KCNT1: variants seen among roughly 807,000 people sequenced by gnomAD.
KCNT1 encodes potassium channel subfamily T member 1.
A neutral mutation model predicts 147.8 loss-of-function variants in KCNT1; 78 were observed. That is an observed-to-expected ratio of 0.53 (90% confidence interval 0.44 to 0.64). KCNT1 has a LOEUF of 0.64. Among genes scored for constraint, KCNT1 ranks in the 30% least tolerant of loss-of-function variants. KCNT1 has a pLI of 0.00. For synonymous variants in KCNT1, 867 were observed against 748.8 expected (o/e 1.16, Z -2.58); for missense variants, 1,419 against 1,750.3 (o/e 0.81, Z 3.38).
At chr9:135,747,146 C>T (rs1036889396) in intron 2 of KCNT1, among the ~76,000 whole-genome samples, 1 of 151,844 alleles carries the variant, frequency 6.6e-6, no homozygotes, top group Non-Finnish European at 1.5e-5. Context: ...GAGAACGGAG[C>T]GGAGGGGAGA....
chr9:135,714,752 T>C lies in KCNT1; in HGVS notation c.254+32T>C, dbSNP rs1047574741. ...ACCGGGCGCGGGGTGGGGGCTGGGG[T>C]CGCCGTCCCGGCGCCGCCGCACGCC... On this transcript the variant is annotated intron_variant, in intron 2 of 30. Transcript: ENST00000371757. This position sits in a 1 kb window ranked among gnomAD's most constrained non-coding sequence, Gnocchi z 6.2. The C allele has an allele frequency of 8.1e-7, 1 of 1,231,486 alleles. No homozygotes were observed. Among genetic ancestry groups the C allele is most frequent in the Non-Finnish European group, 1.0e-6 (1 of 973,202 alleles). 76.3% of individuals were successfully genotyped at this position (1,231,486 alleles called of 1,614,324 possible).
rs1047032671 is a variant in KCNT1 at position 135,792,795 on chromosome 9, C to G, written c.*634C>G. The G allele has an allele frequency of 1.3e-5, 2 of 152,214 alleles. No homozygotes were observed. The highest frequency in any genetic ancestry group is 4.8e-5 in the African/African-American group (2 of 41,420). 9.4% of individuals were successfully genotyped at this position (152,214 alleles called of 1,614,324 possible). A position where few individuals can be genotyped will look rare whatever the true frequency, so the allele number is the denominator to read the frequency against. ...CAGGTCCCCCAGAGGGCCCTGTCGC[C>G]GAGGACCTTTCTGAAGGAAGCAGAA... is the stretch of plus-strand genomic sequence containing the variant. On this transcript the variant is annotated 3_prime_UTR_variant, in exon 31 of 31. Transcript: ENST00000371757.
chr9:135,747,694 G>A (rs1334637732), intron 2 of KCNT1, among the ~76,000 whole-genome samples: 3 of 152,148 alleles, frequency 2.0e-5, no homozygotes, highest in African/African-American at 7.2e-5. Flanking sequence ...AGCTGGCTAC[G>A]CTGAGGGGTT....
intron 10 of KCNT1, among the ~76,000 whole-genome samples, chr9:135,759,388 C>A (rs966516473): frequency 6.7e-6 from 1 of 148,822 alleles, no homozygotes; most frequent in Admixed American, 6.6e-5. Flanking sequence ...GAGAGCCACC[C>A]GGCAGGCAGG....
At chr9:135,757,135 A>G in intron 7 of KCNT1, 21 bp from the exon 8 acceptor site, 1 of 818,572 alleles carries the variant, frequency 1.2e-6, no homozygotes, top group Non-Finnish European at 1.7e-6. Context: ...GCCCCCGCTG[A>G]TACCCCCCGT....
chr9:135,737,829 G>C (rs923330135), intron 2 of KCNT1, among the ~76,000 whole-genome samples: 1 of 152,320 alleles, frequency 6.6e-6, no homozygotes, highest in African/African-American at 2.4e-5. Flanking sequence ...GCCCTGGGGG[G>C]GCACTGCCCA....
In KCNT1 at chr9:135,782,875, C is replaced by T. The variant is rs1014043100; in HGVS notation, c.2842-1149C>T. Among the ~76,000 whole-genome samples, 12 of 152,250 alleles carry T rather than the reference C, an allele frequency of 7.9e-5. 1 individual carries two copies. The highest frequency in any genetic ancestry group is 3.8e-4 in the East Asian group (2 of 5,196). On this transcript the variant is annotated intron_variant, in intron 24 of 30. Transcript: ENST00000371757. ...CTGGTTCTTGCCCCAAGAGCGGAAA[C>T]GCCGCACGAAACTAATTCCACTGTT...
chr9:135,768,045 C>T (rs949458658), intron 13 of KCNT1, among the ~76,000 whole-genome samples: 23 of 144,068 alleles, frequency 1.6e-4, no homozygotes, highest in African/African-American at 3.2e-4. Flanking sequence ...AGCCTGCACA[C>T]GCTCAGGGGA....
chr9:135,704,293 T>A (rs2131308525), intron 1 of KCNT1, among the ~76,000 whole-genome samples: 1 of 152,202 alleles, frequency 6.6e-6, no homozygotes, highest in African/African-American at 2.4e-5. Context: ...GTGCTATGGT[T>A]CAGAGGGGCC....
At position 135,732,156 on chromosome 9, in the gene KCNT1, T is replaced by C. The variant is rs988605125; in HGVS notation, c.254+17436T>C. Reference sequence around the variant, plus strand: ...GCCTCAGCCTCCCCAGTAGCTGGGATTACAGGTGCCCACCACCACGTCCAG... The same window carrying C: ...GCCTCAGCCTCCCCAGTAGCTGGGACTACAGGTGCCCACCACCACGTCCAG... On this transcript the variant is annotated intron_variant, in intron 2 of 30. Transcript: ENST00000371757. Among the ~76,000 whole-genome samples, 66 of 151,306 alleles carry C rather than the reference T, an allele frequency of 4.4e-4. 1 individual carries two copies. The highest frequency in any genetic ancestry group is 7.4e-5 in the Non-Finnish European group (5 of 67,760).
intron 2 of KCNT1, among the ~76,000 whole-genome samples, chr9:135,736,270 C>G (rs1000353255): frequency 1.3e-5 from 2 of 152,162 alleles, no homozygotes; most frequent in African/African-American, 4.8e-5. Flanking sequence ...GCTGGAGGGC[C>G]CTGCCCTGCC....
chr9:135,722,441 G>A (rs1181464198), intron 2 of KCNT1, among the ~76,000 whole-genome samples: 1 of 152,254 alleles, frequency 6.6e-6, no homozygotes, highest in Non-Finnish European at 1.5e-5. Flanking sequence ...CTCCGCGTCA[G>A]GAAGCCACCA....
At chr9:135,765,898 C>A in intron 13 of KCNT1, 138 bp downstream of exon 13, 1 of 841,168 alleles carries the variant, frequency 1.2e-6, no homozygotes, top group Non-Finnish European at 1.8e-6. Flanking sequence ...CCAGGGTGGA[C>A]CATCTAGGTG....
chr9:135,772,606 A>C (rs1458569687), intron 18 of KCNT1, 109 bp from the exon 19 acceptor site: 3 of 717,668 alleles, frequency 4.2e-6, no homozygotes, highest in East Asian at 3.4e-5. Flanking sequence ...CACAGGAGCC[A>C]GGCCATGACA....
intron 30 of KCNT1, 23 bp downstream of exon 30, chr9:135,791,904 G>A: frequency 1.2e-6 from 2 of 1,612,226 alleles, no homozygotes; most frequent in Non-Finnish European, 1.7e-6. Context: ...TGTGGGCTGT[G>A]TGGAGACCCC....
At position 135,714,766 on chromosome 9, in the gene KCNT1, C is replaced by T. The variant is rs771848777; in HGVS notation, c.254+46C>T. 7 of 1,184,224 alleles carry T rather than the reference C, an allele frequency of 5.9e-6. No individual in the cohort carries two copies. The Admixed American group carries it at 1.7e-4, about 29-fold the overall frequency. 73.4% of individuals were successfully genotyped at this position (1,184,224 alleles called of 1,614,324 possible). A position where few individuals can be genotyped will look rare whatever the true frequency, so the allele number is the denominator to read the frequency against. ...GGGGGCTGGGGTCGCCGTCCCGGCG[C>T]CGCCGCACGCCCGGAGCTGTCCGCG... On this transcript the variant is annotated intron_variant, in intron 2 of 30. Coordinates refer to ENST00000371757, the MANE Select transcript of KCNT1 (RefSeq NM_020822.3). This position sits in a 1 kb window ranked among gnomAD's most constrained non-coding sequence, Gnocchi z 6.2.
chr9:135,719,053 C>T (rs1835824881), intron 2 of KCNT1, among the ~76,000 whole-genome samples: 1 of 152,216 alleles, frequency 6.6e-6, no homozygotes, highest in Admixed American at 6.5e-5. Flanking sequence ...GAGCAGCATT[C>T]AGCCACAGTC....
chr9:135,704,246 C>G (rs539437378), intron 1 of KCNT1, among the ~76,000 whole-genome samples: 1 of 152,202 alleles, frequency 6.6e-6, no homozygotes, highest in African/African-American at 2.4e-5. Flanking sequence ...TTGAGCAGGC[C>G]TCTGTCTTTC....
At chr9:135,772,558 G>C (rs543689688) in intron 18 of KCNT1, among the ~76,000 whole-genome samples, 157 bp from the exon 19 acceptor site, 1 of 152,212 alleles carries the variant, frequency 6.6e-6, no homozygotes, top group Non-Finnish European at 1.5e-5. Flanking sequence ...TGTATGGAGG[G>C]GGAAACTGAG....
Sources: allele counts gnomAD v4.1 joint callset (sites outside exome capture counted in the v4.1 genomes callset), GRCh38; gene constraint gnomAD v4.1.1; non-coding constraint Gnocchi (gnomAD v3.1); transcripts MANE v1.5; gene names NCBI Gene and HGNC (gene_info 2026-07-23, HGNC 2026-07-21).